EYS: variants seen among roughly 807,000 people sequenced by gnomAD.
EYS encodes EGF-like photoreceptor maintenance factor.
In EYS, 250 loss-of-function variants were observed where a neutral mutation model predicts 282.1. That is an observed-to-expected ratio of 0.89 (90% confidence interval 0.80 to 0.98). The LOEUF is 0.98. EYS is among the 50% of genes least tolerant of loss of function. The pLI, the probability that EYS is intolerant of heterozygous loss-of-function variation, is 0.00. For missense variants in EYS, 4,016 were observed against 3,709.0 expected (o/e 1.08, Z -2.15); for synonymous variants, 1,355 against 1,282.9 (o/e 1.06, Z -1.20).
At chr6:64,971,679 G>A (rs1029368865) in intron 14 of EYS, among the ~76,000 whole-genome samples, 5 of 152,068 alleles carry the variant, frequency 3.3e-5, no homozygotes, top group African/African-American at 1.2e-4. Flanking sequence ...GTGTCAAAGT[G>A]CTCTATTTGT....
At chr6:64,256,945 G>C (rs1922961) in intron 30 of EYS, among the ~76,000 whole-genome samples, 1 of 151,800 alleles carries the variant, frequency 6.6e-6, no homozygotes, top group African/African-American at 2.4e-5. Flanking sequence ...CTCCTTCATT[G>C]GTTCTCCAGA....
intron 2 of EYS, among the ~76,000 whole-genome samples, chr6:65,611,369 T>G (rs944769297): frequency 6.6e-6 from 1 of 152,008 alleles, no homozygotes. Context: ...AATAAATTAT[T>G]TGAAAAGTCA....
chr6:65,319,112 A>G (rs1769396692), intron 11 of EYS, among the ~76,000 whole-genome samples: 1 of 145,674 alleles, frequency 6.9e-6, no homozygotes, highest in African/African-American at 2.6e-5. Flanking sequence ...TAATCCCAGC[A>G]CTTTGAGAGG....
intron 1 of EYS, among the ~76,000 whole-genome samples, chr6:65,647,209 G>A (rs1001806127): frequency 3.4e-4 from 51 of 152,200 alleles, no homozygotes; most frequent in African/African-American, 1.2e-3. Context: ...TATAGCTAAA[G>A]CCAGACTAAG....
At position 64,081,908 on chromosome 6, in the gene EYS, A is replaced by G. The variant is rs1486729746; in HGVS notation, c.6519T>C (p.Val2173=). 17 of 1,543,272 alleles carry G rather than the reference A, an allele frequency of 1.1e-5. No homozygotes were observed. The highest frequency in any genetic ancestry group is 1.5e-5 in the Non-Finnish European group (17 of 1,140,062). Residue 2173 remains valine (V), a synonymous_variant, in exon 32 of 43, where the codon GTT becomes GTC. Transcript: ENST00000503581. ...FVLEKEHNRT[V]TIYLTIKTNS... ...TTGTTTTTATAGTCAAGTAGATGGT[A>G]ACAGTTCTGTTATGTTCCTTCTCCA...
chr6:65,520,939 C>T (rs1254331402), intron 2 of EYS, among the ~76,000 whole-genome samples: 2 of 152,042 alleles, frequency 1.3e-5, no homozygotes, highest in Non-Finnish European at 2.9e-5. Context: ...GAGTAACAAA[C>T]ATCTTCTCAA....
In EYS at chr6:64,784,820, G is replaced by T. The variant is rs1009987660; in HGVS notation, c.3443+28558C>A. On this transcript the variant is annotated intron_variant, in intron 22 of 42. Transcript: ENST00000503581. ...TGGATAGAAAGTTCTCTTAATATCA[G>T]TATTGCTTTGTTCTGATGTGTAAAG... Among the ~76,000 whole-genome samples the T allele has an allele frequency of 2.0e-5, 3 of 152,040 alleles. No individual in the cohort carries two copies. The East Asian group carries it at 5.8e-4, about 29-fold the overall frequency.
chr6:64,393,517 T>G (rs143329189), intron 28 of EYS, among the ~76,000 whole-genome samples: 3 of 151,290 alleles, frequency 2.0e-5, no homozygotes, highest in Non-Finnish European at 2.9e-5. Context: ...ATAAACAGAG[T>G]CAAAGACAAA....
At chr6:65,591,629 C>T (rs1402950043) in intron 2 of EYS, among the ~76,000 whole-genome samples, 2 of 151,750 alleles carry the variant, frequency 1.3e-5, no homozygotes, top group Non-Finnish European at 2.9e-5. Flanking sequence ...CTAATTTAAC[C>T]TCTTTTGTTA....
rs533950732 is a variant in EYS, at chr6:64,310,795, C to T, written c.6079-3713G>A. Among the ~76,000 whole-genome samples, 3 of 152,138 alleles carry T rather than the reference C, an allele frequency of 2.0e-5. No individual in the cohort carries two copies. The Middle Eastern group carries it at 0.01, about 517-fold the overall frequency. On this transcript the variant is annotated intron_variant, in intron 29 of 42. Transcript: ENST00000503581. ...AAAAAAGAGAGAGAGAGAAAGGGAA[C>T]TGAGCATATGAGTGAACAAAATGGG...
intron 2 of EYS, among the ~76,000 whole-genome samples, chr6:65,549,515 G>C (rs1383705332): frequency 2.0e-5 from 3 of 152,058 alleles, no homozygotes; most frequent in Non-Finnish European, 2.9e-5. Flanking sequence ...GCTTGTAGCT[G>C]TTTAGTTGCT....
chr6:64,657,427 T>C (rs893984903), intron 22 of EYS, among the ~76,000 whole-genome samples: 5 of 152,196 alleles, frequency 3.3e-5, no homozygotes, highest in Non-Finnish European at 5.9e-5. Flanking sequence ...TGCTCATTAG[T>C]TGATGCAGTT....
rs12206609 is a variant in EYS, at chr6:64,100,736, G to T, written c.6425-18734C>A. Among the ~76,000 whole-genome samples the T allele has an allele frequency of 4.6e-3, 707 of 152,254 alleles. 4 individuals are homozygous for T. The highest frequency in any genetic ancestry group is 8.4e-3 in the Non-Finnish European group (570 of 68,020). ...TTCTTCAACCACATTTGTAAAATAA[G>T]TTAGAACCCTGAACCTTACATGAGA... On this transcript the variant is annotated intron_variant, in intron 31 of 42. Transcript: ENST00000503581.
intron 12 of EYS, among the ~76,000 whole-genome samples, chr6:65,284,085 C>G (rs1447601703): frequency 3.9e-5 from 6 of 152,086 alleles, no homozygotes; most frequent in Non-Finnish European, 8.8e-5. Flanking sequence ...GCTTTCTCAC[C>G]TGCCAAGAAT....
intron 5 of EYS, among the ~76,000 whole-genome samples, chr6:65,410,812 A>T (rs937382632): frequency 1.3e-5 from 2 of 151,942 alleles, no homozygotes; most frequent in Non-Finnish European, 2.9e-5. Context: ...TCAACAATGG[A>T]AGAATGGATA....
chr6:65,601,581 T>C (rs960367740), intron 2 of EYS, among the ~76,000 whole-genome samples: 1 of 151,926 alleles, frequency 6.6e-6, no homozygotes, highest in East Asian at 1.9e-4. Context: ...CAGAAAACAA[T>C]ATTAACCTTT....
At chr6:65,050,239 C>T (rs931976859) in intron 13 of EYS, among the ~76,000 whole-genome samples, 1 of 151,528 alleles carries the variant, frequency 6.6e-6, no homozygotes, top group Admixed American at 6.6e-5. Flanking sequence ...GCCAAAATAA[C>T]CTTAGCATGT....
In EYS at chr6:64,151,329, A is replaced by G. The variant is rs1433983194; in HGVS notation, c.6425-69327T>C. 1.1e-3 allele frequency among the ~76,000 whole-genome samples: 105 copies of G among 96,012 alleles called. 1 individual carries two copies. The highest frequency in any genetic ancestry group is 1.4e-3 in the Admixed American group (15 of 10,472). 63.0% of individuals were successfully genotyped at this position (96,012 alleles called of 152,430 possible). A position where few individuals can be genotyped will look rare whatever the true frequency, so the allele number is the denominator to read the frequency against. On this transcript the variant is annotated intron_variant, in intron 31 of 42. Transcript: ENST00000503581. The stretch of plus-strand genomic sequence containing the variant: ...TGTGTGTGTATATTTATATATATAT[A>G]TATATATATATATATATATATATAT...
chr6:65,143,932 T>A (rs1345989541), intron 12 of EYS, among the ~76,000 whole-genome samples: 1 of 152,118 alleles, frequency 6.6e-6, no homozygotes, highest in African/African-American at 2.4e-5. Context: ...CTTCCTTTTT[T>A]TTCCTATTAT....
Sources: allele counts gnomAD v4.1 joint callset (sites outside exome capture counted in the v4.1 genomes callset), GRCh38; gene constraint gnomAD v4.1.1; transcripts MANE v1.5; gene names NCBI Gene and HGNC (gene_info 2026-07-23, HGNC 2026-07-21).